IL1RAPL1: variants seen among roughly 807,000 people sequenced by gnomAD.
IL1RAPL1 encodes interleukin 1 receptor accessory protein like 1, also known as interleukin-1 receptor accessory protein-like 1.
IL1RAPL1 carries 3 observed loss-of-function variants against 48.4 expected under a neutral mutation model. The ratio of observed to expected loss-of-function variants is 0.06; its 90% CI spans 0.03 to 0.16. IL1RAPL1 has a LOEUF of 0.16. IL1RAPL1 is among the 10% of genes least tolerant of loss of function. IL1RAPL1 has a pLI of 1.00. For synonymous variants in IL1RAPL1, 185 were observed against 187.7 expected (o/e 0.99, Z 0.12); for missense variants, 349 against 530.6 (o/e 0.66, Z 3.36).
intron 5 of IL1RAPL1, among the ~76,000 whole-genome samples, chrX:29,413,575 G>C (rs756537086): frequency 1.2e-4 from 12 of 99,960 alleles, no homozygotes; most frequent in Non-Finnish European, 2.4e-4. Flanking sequence ...TCGTTGTTCA[G>C]TTCCCACCTA....
At chrX:29,628,021 C>A (rs1482005981) in intron 5 of IL1RAPL1, among the ~76,000 whole-genome samples, 1 of 112,132 alleles carries the variant, frequency 8.9e-6, no homozygotes, top group Non-Finnish European at 1.9e-5. Context: ...GTTGCCATGG[C>A]AATGCTTATC....
intron 1 of IL1RAPL1, among the ~76,000 whole-genome samples, chrX:28,606,190 A>G (rs2146881009): frequency 8.9e-6 from 1 of 112,383 alleles, no homozygotes; most frequent in African/African-American, 3.2e-5. Context: ...TGAGAATGCT[A>G]TATGTAAATT....
At chrX:28,605,959 C>A (rs946208298) in intron 1 of IL1RAPL1, among the ~76,000 whole-genome samples, 6 of 110,970 alleles carry the variant, frequency 5.4e-5, no homozygotes, top group Non-Finnish European at 1.9e-5. Flanking sequence ...CTGTCATCTT[C>A]TCCATGAGAC....
At chrX:29,767,145 C>T (rs776741838) in intron 6 of IL1RAPL1, among the ~76,000 whole-genome samples, 2 of 111,713 alleles carry the variant, frequency 1.8e-5, no homozygotes, top group Non-Finnish European at 3.8e-5. Flanking sequence ...AAGGATTGCT[C>T]CCAGTTGTAA....
At chrX:29,346,759 C>T (rs1933155359) in intron 3 of IL1RAPL1, among the ~76,000 whole-genome samples, 1 of 112,194 alleles carries the variant, frequency 8.9e-6, no homozygotes, top group African/African-American at 3.2e-5. Context: ...TTACATTTCT[C>T]AGGGTACACT....
rs752346756 is a variant in IL1RAPL1 at position 29,262,033 on chromosome X, G to T, written c.83-20905G>T. 5.4e-5 allele frequency among the ~76,000 whole-genome samples: 6 copies of T among 111,596 alleles called. No homozygotes were observed. In the East Asian group the frequency reaches 1.7e-3, roughly 32 times the overall value. ...CTAATCATGTTGCCTGACACATTGG[G>T]TTATAGTGGATTGGACTGCTTGGGT... On this transcript the variant is annotated intron_variant, in intron 2 of 10. Transcript: ENST00000378993.
At chrX:29,544,723 ATGTGTGTGTGTGTG>A (rs61595803) in intron 5 of IL1RAPL1, among the ~76,000 whole-genome samples, 1 of 101,952 alleles carries the variant, frequency 9.8e-6, no homozygotes, top group South Asian at 4.7e-4. Flanking sequence ...TGTGGAGATG[ATGTGTGTGTGTGTG>A]TGTGTGTGTG....
intron 2 of IL1RAPL1, among the ~76,000 whole-genome samples, chrX:28,832,738 GTT>G (rs1248072437): frequency 1.0e-5 from 1 of 97,318 alleles, no homozygotes. Flanking sequence ...GTTGGTCAAG[GTT>G]TTTTTTTTTT....
intron 6 of IL1RAPL1, among the ~76,000 whole-genome samples, chrX:29,727,746 G>C (rs922568769): frequency 1.8e-5 from 2 of 111,457 alleles, no homozygotes; most frequent in Non-Finnish European, 3.8e-5. Context: ...AGTTGGAAAG[G>C]CTTTTTACAA....
At chrX:29,864,667 G>A (rs193212951) in intron 6 of IL1RAPL1, among the ~76,000 whole-genome samples, 67 of 111,729 alleles carry the variant, frequency 6.0e-4, no homozygotes, top group Non-Finnish European at 4.9e-4. Flanking sequence ...ATTTTTGGAA[G>A]TTTCTTGATT....
chrX:28,749,923 AAAAG>A (rs1165693501), intron 1 of IL1RAPL1, among the ~76,000 whole-genome samples: 1 of 98,560 alleles, frequency 1.0e-5, no homozygotes, highest in Non-Finnish European at 1.9e-5. Flanking sequence ...GAAAGAAAAA[AAAAG>A]AAAAAAAAAG....
chrX:29,104,190 C>G (rs1602058428), intron 2 of IL1RAPL1, among the ~76,000 whole-genome samples: 1 of 112,267 alleles, frequency 8.9e-6, no homozygotes, highest in African/African-American at 3.2e-5. Context: ...GATTACTGCA[C>G]TACTCACAAT....
At chrX:29,071,168 A>G (rs1390807108) in intron 2 of IL1RAPL1, among the ~76,000 whole-genome samples, 1 of 111,890 alleles carries the variant, frequency 8.9e-6, no homozygotes, top group Non-Finnish European at 1.9e-5. Flanking sequence ...TTCCATTTGT[A>G]TTATTAGTGT....
At chrX:29,755,106 G>A (rs771523594) in intron 6 of IL1RAPL1, among the ~76,000 whole-genome samples, 4 of 112,469 alleles carry the variant, frequency 3.6e-5, no homozygotes, top group Non-Finnish European at 7.5e-5. Context: ...TACTACAAGG[G>A]CTTCTCTATA....
At chrX:29,752,039 CTATCTATTTTATATA>C (rs1187604666) in intron 6 of IL1RAPL1, among the ~76,000 whole-genome samples, 1 of 93,577 alleles carries the variant, frequency 1.1e-5, no homozygotes, top group African/African-American at 4.0e-5. Context: ...CTACCTATAT[CTATCTATTTTATATA>C]TATATATGTA....
At chrX:29,882,799 A>G (rs769003800) in intron 6 of IL1RAPL1, among the ~76,000 whole-genome samples, 1 of 111,921 alleles carries the variant, frequency 8.9e-6, no homozygotes, top group East Asian at 2.8e-4. Flanking sequence ...ATACATTTCA[A>G]CGTATGCCAT....
intron 2 of IL1RAPL1, among the ~76,000 whole-genome samples, chrX:29,072,249 A>G (rs1927581141): frequency 9.0e-6 from 1 of 110,613 alleles, no homozygotes. Context: ...GGTTCTATCG[A>G]CTCGTCATTG....
chrX:29,144,431 C>A (rs1929305232), intron 2 of IL1RAPL1, among the ~76,000 whole-genome samples: 1 of 106,369 alleles, frequency 9.4e-6, no homozygotes, highest in Admixed American at 1.0e-4. Context: ...GGTGAAACCC[C>A]AACTCTACTA....
chrX:28,641,642 G>A (rs972282567), intron 1 of IL1RAPL1, among the ~76,000 whole-genome samples: 4 of 111,448 alleles, frequency 3.6e-5, no homozygotes, highest in Non-Finnish European at 5.6e-5. Flanking sequence ...AGGAATCGCC[G>A]CACTGTCTTC....
Sources: allele counts gnomAD v4.1 joint callset (sites outside exome capture counted in the v4.1 genomes callset), GRCh38; gene constraint gnomAD v4.1.1; transcripts MANE v1.5; gene names NCBI Gene and HGNC (gene_info 2026-07-23, HGNC 2026-07-21).